The following ZFHX3 variants were observed in gnomAD, a reference collection of about 807,000 sequenced individuals.
ZFHX3 encodes zinc finger homeobox protein 3.
Under a neutral mutation model 279.1 loss-of-function variants are expected in ZFHX3, and 42 were observed. The ratio of observed to expected loss-of-function variants is 0.15; its 90% CI spans 0.12 to 0.19. The LOEUF is 0.19. Among genes scored for constraint, ZFHX3 ranks in the 10% least tolerant of loss-of-function variants. The pLI, the probability that ZFHX3 is intolerant of heterozygous loss-of-function variation, is 1.00. For missense variants in ZFHX3, 4,981 were observed against 4,754.0 expected (o/e 1.05, Z -1.40); for synonymous variants, 2,293 against 1,957.8 (o/e 1.17, Z -4.52).
intron 2 of ZFHX3, among the ~76,000 whole-genome samples, chr16:73,621,039 T>G (rs544845938): frequency 1.2e-4 from 18 of 152,100 alleles, no homozygotes; most frequent in African/African-American, 3.4e-4. Context: ...TCCAAGGGGG[T>G]TGTAATTATT....
chr16:73,497,357 CG>C (rs2019159248), intron 2 of ZFHX3, among the ~76,000 whole-genome samples: 1 of 152,142 alleles, frequency 6.6e-6, no homozygotes, highest in Non-Finnish European at 1.5e-5. Context: ...GAGAAAGACT[CG>C]GTTGTGGGTC....
intron 5 of ZFHX3, among the ~76,000 whole-genome samples, chr16:73,253,370 C>T (rs113352552): frequency 0.021 from 3,146 of 152,126 alleles, 107 homozygotes; most frequent in African/African-American, 0.072. Flanking sequence ...GTTAAATACA[C>T]CAAGGAACCC....
intron 2 of ZFHX3, among the ~76,000 whole-genome samples, chr16:73,550,892 G>A (rs934934212): frequency 2.6e-5 from 4 of 152,208 alleles, no homozygotes; most frequent in Non-Finnish European, 5.9e-5. Flanking sequence ...GGGGAGAGAG[G>A]GGAATAGGAA....
chr16:73,835,873 C>T (rs1961133710), intron 1 of ZFHX3, among the ~76,000 whole-genome samples: 1 of 152,064 alleles, frequency 6.6e-6, no homozygotes, highest in Non-Finnish European at 1.5e-5. Flanking sequence ...CCAGCCTAGC[C>T]TTTGACTAAA....
chr16:73,334,867 C>T (rs1004853724), intron 3 of ZFHX3, among the ~76,000 whole-genome samples: 6 of 76,960 alleles, frequency 7.8e-5, no homozygotes, highest in African/African-American at 1.5e-4. Flanking sequence ...ATCTGCTTGA[C>T]GTAAGAACTT....
At chr16:73,848,941 A>T (rs912003395) in intron 1 of ZFHX3, among the ~76,000 whole-genome samples, 1 of 152,204 alleles carries the variant, frequency 6.6e-6, no homozygotes, top group African/African-American at 2.4e-5. Context: ...AGGACTTGAA[A>T]TTCCCAAGGG....
chr16:73,372,612 T>C (rs1037358204), intron 3 of ZFHX3, among the ~76,000 whole-genome samples: 12 of 152,210 alleles, frequency 7.9e-5, no homozygotes, highest in Admixed American at 6.5e-5. Context: ...CTTGCTCCTC[T>C]AGGTAAAAGG....
chr16:73,419,670 C>T (rs2017676488), intron 3 of ZFHX3, among the ~76,000 whole-genome samples: 1 of 151,970 alleles, frequency 6.6e-6, no homozygotes. Context: ...ACTTGAACTG[C>T]TGAGCTCAAG....
At position 73,814,262 on chromosome 16, in the gene ZFHX3, G is replaced by C. The variant is rs1430707399; in HGVS notation, c.-1608+77389C>G. Among the ~76,000 whole-genome samples the C allele has an allele frequency of 2.6e-5, 4 of 151,898 alleles. 1 individual carries two copies. The highest frequency in any genetic ancestry group is 5.9e-5 in the Non-Finnish European group (4 of 67,986). ...ACTGCCAAATGGAGAGACAATAAAT[G>C]GTAGCCAGACAGATTCTCTTTCTTA... On this transcript the variant is annotated intron_variant, in intron 1 of 17. Coordinates refer to the ZFHX3 transcript ENST00000641206.
At chr16:72,823,651 G>GTCTC (rs2036858293) in intron 5 of ZFHX3, among the ~76,000 whole-genome samples, 1 of 152,194 alleles carries the variant, frequency 6.6e-6, no homozygotes, top group Non-Finnish European at 1.5e-5. Context: ...ATCTGGGAAA[G>GTCTC]TTATTAGCAT....
intron 2 of ZFHX3, among the ~76,000 whole-genome samples, chr16:73,589,361 G>A (rs1054089579): frequency 1.4e-5 from 2 of 147,506 alleles, no homozygotes; most frequent in African/African-American, 2.5e-5. Context: ...ACTTGAGCCC[G>A]AGAGGTTAAG....
intron 2 of ZFHX3, among the ~76,000 whole-genome samples, chr16:73,521,607 G>A (rs754234044): frequency 4.6e-5 from 7 of 152,054 alleles, no homozygotes; most frequent in African/African-American, 7.2e-5. Flanking sequence ...CATAGAGGCC[G>A]TTGTGAGAAA....
intron 2 of ZFHX3, among the ~76,000 whole-genome samples, chr16:73,529,261 C>G (rs1384792872): frequency 6.6e-6 from 1 of 152,092 alleles, no homozygotes; most frequent in Non-Finnish European, 1.5e-5. Context: ...GAAAAGCTGC[C>G]CTGGTCAAAG....
intron 1 of ZFHX3, among the ~76,000 whole-genome samples, chr16:73,832,995 C>T (rs1332621993): frequency 1.3e-5 from 2 of 152,180 alleles, no homozygotes; most frequent in African/African-American, 4.8e-5. Flanking sequence ...ACACAAAGAA[C>T]ATAACGGAAC....
chr16:73,721,784 C>T (rs914809294), intron 1 of ZFHX3, among the ~76,000 whole-genome samples: 2 of 152,314 alleles, frequency 1.3e-5, no homozygotes, highest in East Asian at 3.9e-4. Context: ...ATGGCTCACA[C>T]TGGTTATCCC....
chr16:72,975,873 T>G (rs73592776), intron 1 of ZFHX3, among the ~76,000 whole-genome samples: 5,186 of 152,300 alleles, frequency 0.034, 201 homozygotes, highest in African/African-American at 0.095. Context: ...CAAGGCCACG[T>G]TAAATAGTAC....
At chr16:73,515,529 G>GGAGAGAGAGAGAGGAAGAGAGGGAGA (rs2019505197) in intron 2 of ZFHX3, among the ~76,000 whole-genome samples, 1 of 137,494 alleles carries the variant, frequency 7.3e-6, no homozygotes, top group African/African-American at 2.7e-5. Flanking sequence ...AAAGAAAGAG[G>GGAGAGAGAGAGAGGAAGAGAGGGAGA]GAGAGAGAGA....
intron 2 of ZFHX3, among the ~76,000 whole-genome samples, chr16:73,500,533 C>T (rs1177001570): frequency 2.0e-5 from 3 of 151,826 alleles, no homozygotes; most frequent in South Asian, 4.1e-4. Context: ...CACCATGCTG[C>T]CCAGGCTGGT....
At chr16:72,939,007 T>G (rs1367393631) in intron 3 of ZFHX3, among the ~76,000 whole-genome samples, 1 of 138,468 alleles carries the variant, frequency 7.2e-6, no homozygotes, top group South Asian at 2.2e-4. Context: ...CTGACTCATG[T>G]CTAGGACACA....
Sources: allele counts gnomAD v4.1 joint callset (sites outside exome capture counted in the v4.1 genomes callset), GRCh38; gene constraint gnomAD v4.1.1; transcripts MANE v1.5; gene names NCBI Gene and HGNC (gene_info 2026-07-23, HGNC 2026-07-21).